CNMD: variants seen among roughly 807,000 people sequenced by gnomAD.
CNMD encodes the protein leukocyte cell-derived chemotaxin 1.
In CNMD, 30 loss-of-function variants were observed where a neutral mutation model predicts 37.5. The ratio of observed to expected loss-of-function variants is 0.80; its 90% CI spans 0.60 to 1.09. The LOEUF (loss-of-function observed/expected upper bound fraction) is 1.09. Ranked by LOEUF, CNMD falls within the 50% of genes least tolerant of loss-of-function variation. CNMD has a pLI of 0.00. For missense variants in CNMD, 398 were observed against 423.9 expected, an observed-to-expected ratio of 0.94 and a Z score of 0.54; for synonymous variants, 167 against 148.2, an observed-to-expected ratio of 1.13 and a Z score of -0.92.
intron 4 of CNMD, among the ~76,000 whole-genome samples, chr13:52,720,202 T>G (rs1305083184): frequency 6.6e-6 from 1 of 152,246 alleles, no homozygotes; most frequent in Non-Finnish European, 1.5e-5. Context: ...AGTTCTTCTT[T>G]AAAATGGTTA....
At chr13:52,707,952 A>G (rs1964215523) in intron 6 of CNMD, among the ~76,000 whole-genome samples, 1 of 151,888 alleles carries the variant, frequency 6.6e-6, no homozygotes, top group African/African-American at 2.4e-5. Flanking sequence ...TACTAAAAAA[A>G]AAAATACAAA....
At chr13:52,733,995 G>A (rs1964717101) in intron 2 of CNMD, among the ~76,000 whole-genome samples, 1 of 152,336 alleles carries the variant, frequency 6.6e-6, no homozygotes, top group Admixed American at 6.5e-5. Flanking sequence ...GAAGGCCAAT[G>A]TGCATGTTTG....
In CNMD at chr13:52,727,546, C is replaced by T. The variant is rs1305833348; in HGVS notation, c.355-3436G>A. ...AGGTGTGGTGGTGTGTGCCTGTAGT[C>T]CCAGCTACTTGGAAGGGAGAAGGAT... On this transcript the variant is annotated intron_variant, in intron 3 of 6. Coordinates refer to ENST00000377962, the MANE Select transcript of CNMD (RefSeq NM_007015.3). Among the ~76,000 whole-genome samples, 3 of 152,064 alleles carry T rather than the reference C, an allele frequency of 2.0e-5. No homozygotes were observed. The East Asian group carries it at 5.8e-4, about 29-fold the overall frequency.
chr13:52,739,647 C>T lies in CNMD; in HGVS notation c.55G>A (p.Glu19Lys), dbSNP rs1167436547. The change falls in exon 1 of 7, where the codon GAA (glutamate) becomes AAA (lysine). Residue 19 changes from glutamate to lysine, a missense_variant. Coordinates refer to ENST00000377962, the MANE Select transcript of CNMD (RefSeq NM_007015.3). This position sits in a 1 kb window ranked among gnomAD's most constrained non-coding sequence, Gnocchi z 5.4. ...GTACTCACCGGGGGGCTGCAGAATT[C>T]CACGTCATCAGGTCCCACCAGGGCA... ...PIALVGPDDV[E>K]FCSPPAYATL... 3.1e-6 allele frequency: 5 copies of T among 1,614,078 alleles called. No homozygotes were observed. Among genetic ancestry groups the T allele is most frequent in the African/African-American group, 2.7e-5 (2 of 74,942 alleles).
chr13:52,719,839 G>A (rs913372162), intron 4 of CNMD, among the ~76,000 whole-genome samples: 1 of 152,136 alleles, frequency 6.6e-6, no homozygotes, highest in South Asian at 2.1e-4. Flanking sequence ...TCTTTGTGGT[G>A]TTCTCTGTAT....
chr13:52,720,690 G>A (rs1231926387), intron 4 of CNMD, among the ~76,000 whole-genome samples: 1 of 152,118 alleles, frequency 6.6e-6, no homozygotes, highest in Non-Finnish European at 1.5e-5. Flanking sequence ...TGTCCCAGAG[G>A]GGCACCCATC....
chr13:52,724,995 GAC>G (rs1964549087), intron 3 of CNMD, among the ~76,000 whole-genome samples: 1 of 152,212 alleles, frequency 6.6e-6, no homozygotes. Flanking sequence ...AATTTAGACA[GAC>G]AGCATAGTCA....
At position 52,707,945 on chromosome 13, in the gene CNMD, T is replaced by TA. The variant is rs1244930735; in HGVS notation, c.789+590dup. On this transcript the variant is annotated intron_variant, in intron 6 of 6. Transcript: ENST00000377962. ...CAACATGGTGAAACCCTGTCTCTAC[T>TA]AAAAAAAAAAATACAAAAAATTAGC... Among the ~76,000 whole-genome samples the TA allele has an allele frequency of 3.4e-3, 487 of 143,312 alleles. 4 individuals carry two copies. The highest frequency in any genetic ancestry group is 8.2e-3 in the African/African-American group (321 of 39,274). 94.0% of individuals were successfully genotyped at this position (143,312 alleles called of 152,430 possible). A position where few individuals can be genotyped will look rare whatever the true frequency, so the allele number is the denominator to read the frequency against.
At chr13:52,734,636 A>T (rs1257755566) in intron 2 of CNMD, among the ~76,000 whole-genome samples, 8 of 151,714 alleles carry the variant, frequency 5.3e-5, no homozygotes, top group Admixed American at 5.2e-4. Flanking sequence ...ATTACATATC[A>T]TGTATAAATT....
chr13:52,717,472 T>C (rs1471364174), intron 4 of CNMD, among the ~76,000 whole-genome samples: 1 of 152,226 alleles, frequency 6.6e-6, no homozygotes, highest in African/African-American at 2.4e-5. Flanking sequence ...TGATATTGGC[T>C]GTGGGTTTGT....
chr13:52,731,356 T>G (rs1964664106), intron 3 of CNMD, among the ~76,000 whole-genome samples: 1 of 152,202 alleles, frequency 6.6e-6, no homozygotes, highest in Non-Finnish European at 1.5e-5. Flanking sequence ...CATGTCTCAA[T>G]AAATGCTTCT....
chr13:52,738,954 G>A, intron 2 of CNMD, 77 bp downstream of exon 2: 4 of 1,328,876 alleles, frequency 3.0e-6, no homozygotes, highest in Non-Finnish European at 3.9e-6. Flanking sequence ...CGCGCCCCTC[G>A]CCGGCCCGCG....
At chr13:52,718,208 T>C (rs1321538110) in intron 4 of CNMD, among the ~76,000 whole-genome samples, 2 of 152,198 alleles carry the variant, frequency 1.3e-5, no homozygotes, top group Non-Finnish European at 1.5e-5. Flanking sequence ...TCATTTTTTA[T>C]TGTGTCATTT....
chr13:52,720,965 T>G (rs1164486803), intron 4 of CNMD, among the ~76,000 whole-genome samples: 3 of 152,194 alleles, frequency 2.0e-5, no homozygotes, highest in Admixed American at 6.5e-5. Context: ...TAAGCCCGAC[T>G]GGGGCTGCTG....
intron 6 of CNMD, among the ~76,000 whole-genome samples, chr13:52,705,028 C>T (rs60332943): frequency 0.016 from 2,341 of 150,622 alleles, 60 homozygotes; most frequent in African/African-American, 0.054. Flanking sequence ...ATTGCACTCC[C>T]GCCTGGGTAA....
chr13:52,736,580 T>C (rs1402699549), intron 2 of CNMD, among the ~76,000 whole-genome samples: 1 of 152,220 alleles, frequency 6.6e-6, no homozygotes, highest in Non-Finnish European at 1.5e-5. Flanking sequence ...GCTGGGCTGT[T>C]GGAGCAGCAA....
At position 52,726,258 on chromosome 13, in the gene CNMD, G is replaced by T. The variant is rs554904253; in HGVS notation, c.355-2148C>A. On this transcript the variant is annotated intron_variant, in intron 3 of 6. Coordinates refer to ENST00000377962, the MANE Select transcript of CNMD (RefSeq NM_007015.3). ...TGGGAGCCTTAAAAGCTCCCCAGGTGTTTATAATTTAAAGGGTTGATGCCA... is the reference window on the plus strand; with the variant it reads ...TGGGAGCCTTAAAAGCTCCCCAGGTTTTTATAATTTAAAGGGTTGATGCCA... 1.3e-3 allele frequency among the ~76,000 whole-genome samples: 191 copies of T among 152,294 alleles called. 1 individual carries two copies. Among genetic ancestry groups the T allele is most frequent in the Non-Finnish European group, 7.2e-4 (49 of 68,026 alleles).
chr13:52,739,814 C>T lies in CNMD; in HGVS notation c.-113G>A, dbSNP rs773791224. 5.9e-6 allele frequency: 5 copies of T among 851,856 alleles called. No individual in the cohort carries two copies. The Admixed American group carries it at 8.5e-5, about 15-fold the overall frequency. 52.8% of individuals were successfully genotyped at this position (851,856 alleles called of 1,614,324 possible). A position where few individuals can be genotyped will look rare whatever the true frequency, so the allele number is the denominator to read the frequency against. ...GCCGCGCGCACACACGGTGCACGGT[C>T]CCGCCTGGGCCAGCCCAGCGGTCCC... On this transcript the variant is annotated 5_prime_UTR_variant, in exon 1 of 7. Transcript: ENST00000377962. The surrounding 1 kb of genome is among the most constrained non-coding windows in gnomAD (Gnocchi z 5.4).
intron 5 of CNMD, among the ~76,000 whole-genome samples, chr13:52,709,668 G>A (rs1343123007): frequency 2.0e-5 from 3 of 152,088 alleles, no homozygotes; most frequent in African/African-American, 4.8e-5. Flanking sequence ...CAGGGCTGAT[G>A]GCTGCCAATT....
Sources: gnomAD v4.1 joint callset for allele counts (sites outside exome capture counted in the v4.1 genomes callset) on GRCh38, gnomAD v4.1.1 for gene constraint, Gnocchi (gnomAD v3.1) non-coding constraint, MANE v1.5 for transcripts, NCBI Gene and HGNC (gene_info 2026-07-23, HGNC 2026-07-21) for gene names.